CREB1: variants seen among roughly 807,000 people sequenced by gnomAD.
CREB1 encodes the protein cyclic AMP-responsive element-binding protein 1.
A neutral mutation model predicts 42.0 loss-of-function variants in CREB1; 2 were observed. The observed-to-expected ratio is 0.05, with a 90% CI of 0.02 to 0.15. The LOEUF is 0.15. Among genes scored for constraint, CREB1 ranks in the 10% least tolerant of loss-of-function variants. The pLI, the probability that CREB1 is intolerant of heterozygous loss-of-function variation, is 1.00. For missense variants in CREB1, 199 were observed against 388.9 expected, an observed-to-expected ratio of 0.51 and a Z score of 4.11; for synonymous variants, 123 against 139.9, an observed-to-expected ratio of 0.88 and a Z score of 0.85.
rs969652643 is a variant in CREB1 at position 207,603,083 on chromosome 2, T to C, written c.*6025T>C. The C allele has an allele frequency of 4.7e-6, 1 of 210,930 alleles. No homozygotes were observed. Among genetic ancestry groups the C allele is most frequent in the African/African-American group, 2.3e-5 (1 of 44,086 alleles). 13.1% of individuals were successfully genotyped at this position (210,930 alleles called of 1,614,324 possible). ...TTTAACTCTGATGTTTCTATTGGAG[T>C]TGAATACTAAATAAATAACTATAAT... On this transcript the variant is annotated 3_prime_UTR_variant, in exon 8 of 8. Transcript: ENST00000353267.
intron 3 of CREB1, among the ~76,000 whole-genome samples, chr2:207,566,116 A>G (rs921577779): frequency 1.3e-5 from 2 of 152,126 alleles, no homozygotes; most frequent in Non-Finnish European, 1.5e-5. Context: ...AAGTGTTTGG[A>G]TGGGGCAAAT....
At chr2:207,566,732 CG>C (rs1274748165) in intron 3 of CREB1, among the ~76,000 whole-genome samples, 1 of 152,080 alleles carries the variant, frequency 6.6e-6, no homozygotes, top group Non-Finnish European at 1.5e-5. Flanking sequence ...ACCCATCTGG[CG>C]CCTACATTAC....
Position 207,598,394 on chromosome 2 carries a change from C to T in CREB1, c.*1336C>T, listed in dbSNP as rs1465931545. The T allele has an allele frequency of 5.5e-6, 1 of 181,086 alleles. No individual in the cohort carries two copies. Among genetic ancestry groups the T allele is most frequent in the South Asian group, 2.0e-4 (1 of 5,056 alleles). 11.2% of individuals were successfully genotyped at this position (181,086 alleles called of 1,614,324 possible). On this transcript the variant is annotated 3_prime_UTR_variant, in exon 8 of 8. Coordinates refer to ENST00000353267, the MANE Select transcript of CREB1 (RefSeq NM_004379.5). ...AATTTTAATTCCTGATTAAAACAGT[C>T]TGTATTTGTGTATATCATACATTGT...
intron 4 of CREB1, among the ~76,000 whole-genome samples, chr2:207,568,753 ATT>A (rs1413821953): frequency 2.6e-5 from 4 of 152,042 alleles, no homozygotes; most frequent in Non-Finnish European, 4.4e-5. Flanking sequence ...TTTCAGTGTG[ATT>A]ATGTTATTCA....
chr2:207,581,717 T>G, intron 7 of CREB1: 1 of 601,706 alleles, frequency 1.7e-6, no homozygotes, highest in South Asian at 2.1e-5. Context: ...CAGGGTACAT[T>G]TATCAAAAAT....
intron 1 of CREB1, among the ~76,000 whole-genome samples, chr2:207,543,110 C>T (rs905930960): frequency 1.3e-5 from 2 of 152,184 alleles, no homozygotes; most frequent in Non-Finnish European, 2.9e-5. Flanking sequence ...TAAATCATCT[C>T]TAGATTACTT....
At chr2:207,535,881 G>A (rs1452061670) in intron 1 of CREB1, among the ~76,000 whole-genome samples, 1 of 151,618 alleles carries the variant, frequency 6.6e-6, no homozygotes, top group Non-Finnish European at 1.5e-5. Flanking sequence ...GAGTGCAGTG[G>A]CACACACTTG....
At chr2:207,562,396 G>C (rs914653142) in intron 3 of CREB1, among the ~76,000 whole-genome samples, 2 of 152,112 alleles carry the variant, frequency 1.3e-5, no homozygotes, top group Admixed American at 6.5e-5. Flanking sequence ...ATTGTTGATT[G>C]TATTCTTGAT....
chr2:207,548,244 A>C (rs1241756858), intron 1 of CREB1, among the ~76,000 whole-genome samples: 1 of 152,124 alleles, frequency 6.6e-6, no homozygotes, highest in Non-Finnish European at 1.5e-5. Flanking sequence ...TATTTCTAAC[A>C]CACTTCTGTT....
At chr2:207,554,791 T>TATAGTG (rs1367416378) in intron 1 of CREB1, among the ~76,000 whole-genome samples, 1 of 152,172 alleles carries the variant, frequency 6.6e-6, no homozygotes, top group Non-Finnish European at 1.5e-5. Flanking sequence ...ATGTGTACAG[T>TATAGTG]ATAGTGTTGC....
At chr2:207,537,648 A>G (rs2080927148) in intron 1 of CREB1, among the ~76,000 whole-genome samples, 1 of 152,256 alleles carries the variant, frequency 6.6e-6, no homozygotes. Context: ...GTTTTATCAC[A>G]TCTGTAAATG....
At position 207,603,320 on chromosome 2, in the gene CREB1, A is replaced by G. The variant is rs2087437785; in HGVS notation, c.*6262A>G. 1 of 223,774 alleles carries G rather than the reference A, an allele frequency of 4.5e-6. No individual in the cohort carries two copies. Among genetic ancestry groups the G allele is most frequent in the Admixed American group, 5.7e-5 (1 of 17,520 alleles). 13.9% of individuals were successfully genotyped at this position (223,774 alleles called of 1,614,324 possible). On this transcript the variant is annotated 3_prime_UTR_variant, in exon 8 of 8. Coordinates refer to ENST00000353267, the MANE Select transcript of CREB1 (RefSeq NM_004379.5). ...AAAGTGATCCTTGTGAATTTGTGAAATATTGTCATAAAGTGCTTTTTCTTA... is the reference window on the plus strand; with the variant it reads ...AAAGTGATCCTTGTGAATTTGTGAAGTATTGTCATAAAGTGCTTTTTCTTA...
chr2:207,581,438 A>G (rs868486069), intron 7 of CREB1: 1 of 201,594 alleles, frequency 5.0e-6, no homozygotes, highest in Non-Finnish European at 1.0e-5. Flanking sequence ...TTACATTACT[A>G]TCAGGTTTTT....
chr2:207,539,841 CA>C (rs1182508452), intron 1 of CREB1, among the ~76,000 whole-genome samples: 1 of 151,698 alleles, frequency 6.6e-6, no homozygotes, highest in Admixed American at 6.6e-5. Flanking sequence ...GTGGAATGGA[CA>C]AAAAAATGAA....
rs1432520744 is a variant in CREB1 at position 207,600,922 on chromosome 2, TTC to T, written c.*3866_*3867del. 5.0e-6 allele frequency: 1 copy of T among 199,812 alleles called. No homozygotes were observed. Among genetic ancestry groups the T allele is most frequent in the Admixed American group, 6.0e-5 (1 of 16,630 alleles). The allele number at this position is 199,812 out of a possible 1,614,324, so 12.4% of individuals were successfully genotyped here. A position where few individuals can be genotyped will look rare whatever the true frequency, so the allele number is the denominator to read the frequency against. ...TACTTGAAGTGACTTCAATCTAGAT[TTC>T]TTTTAATATTTAACAAATTTTTAAT... On this transcript the variant is annotated 3_prime_UTR_variant, in exon 8 of 8. Coordinates refer to ENST00000353267, the MANE Select transcript of CREB1 (RefSeq NM_004379.5).
At position 207,555,612 on chromosome 2, in the gene CREB1, T is replaced by C. The variant is rs2081686239; in HGVS notation, c.-8-16T>C. On this transcript the variant is annotated splice_polypyrimidine_tract_variant and intron_variant, in intron 1 of 7. Transcript: ENST00000353267. ...AAGCACTGTGGTGCTTGTAACACTCTTCCATATTATTATAGGTAACTAAAT... is the reference window on the plus strand; with the variant it reads ...AAGCACTGTGGTGCTTGTAACACTCCTCCATATTATTATAGGTAACTAAAT... 1 of 1,514,892 alleles carries C rather than the reference T, an allele frequency of 6.6e-7. No homozygotes were observed. The highest frequency in any genetic ancestry group is 1.1e-5 in the South Asian group (1 of 88,086). The allele number at this position is 1,514,892 out of a possible 1,614,324, so 93.8% of individuals were successfully genotyped here.
At chr2:207,561,355 T>C (rs1379889542) in intron 3 of CREB1, among the ~76,000 whole-genome samples, 2 of 152,188 alleles carry the variant, frequency 1.3e-5, no homozygotes, top group Non-Finnish European at 2.9e-5. Context: ...CTGTTTAACA[T>C]TTCTCCCCTC....
chr2:207,555,158 C>T (rs2081664870), intron 1 of CREB1, among the ~76,000 whole-genome samples: 1 of 152,136 alleles, frequency 6.6e-6, no homozygotes, highest in South Asian at 2.1e-4. Context: ...ATTGCTGTTT[C>T]TTCCTTCTTA....
rs145612892 is a variant in CREB1 at position 207,582,128 on chromosome 2, A to G, written c.839+4473A>G. ...TACCATTTTTCTCTTTGTCCAGCCC[A>G]TATTCAAGGGGAGGAGAATTAAATT... On this transcript the variant is annotated intron_variant, in intron 7 of 7. Transcript: ENST00000353267. The G allele has an allele frequency of 1.9e-4, 136 of 702,956 alleles. No homozygotes were observed. The East Asian group carries it at 3.6e-3, about 18-fold the overall frequency. 43.5% of individuals were successfully genotyped at this position (702,956 alleles called of 1,614,324 possible).
Sources: gnomAD v4.1 joint callset for allele counts (sites outside exome capture counted in the v4.1 genomes callset) on GRCh38, gnomAD v4.1.1 for gene constraint, MANE v1.5 for transcripts, NCBI Gene and HGNC (gene_info 2026-07-23, HGNC 2026-07-21) for gene names.